Variants in RELN observed in about 807,000 individuals in gnomAD.
RELN encodes the protein reelin.
In RELN, 108 loss-of-function variants were observed where a neutral mutation model predicts 427.6. That is an observed-to-expected ratio of 0.25 (90% CI 0.22 to 0.30). RELN has a LOEUF of 0.30. Ranked by LOEUF, RELN falls within the 10% of genes least tolerant of loss-of-function variation. The pLI, the probability that RELN is intolerant of heterozygous loss-of-function variation, is 1.00. For synonymous variants in RELN, 1,524 were observed against 1,513.4 expected, an observed-to-expected ratio of 1.01 and a Z score of -0.16; for missense variants, 3,715 against 4,302.8, an observed-to-expected ratio of 0.86 and a Z score of 3.82.
At chr7:103,901,981 C>T (rs1422348744) in intron 2 of RELN, among the ~76,000 whole-genome samples, 1 of 151,946 alleles carries the variant, frequency 6.6e-6, no homozygotes, top group African/African-American at 2.4e-5. Flanking sequence ...GTACTATTTT[C>T]CATGTGAGAC....
At chr7:103,585,595 A>C (rs549628247) in intron 28 of RELN, among the ~76,000 whole-genome samples, 124 of 152,282 alleles carry the variant, frequency 8.1e-4, no homozygotes, top group South Asian at 3.7e-3. Flanking sequence ...CAAAAACCCC[A>C]GTACAAGATG....
chr7:103,485,403 G>A (rs1828401040), intron 61 of RELN, among the ~76,000 whole-genome samples: 1 of 152,106 alleles, frequency 6.6e-6, no homozygotes, highest in African/African-American at 2.4e-5. Flanking sequence ...AAGGTTTCAT[G>A]TAAACTATCT....
At chr7:103,787,381 C>A (rs1792043800) in intron 3 of RELN, among the ~76,000 whole-genome samples, 1 of 151,244 alleles carries the variant, frequency 6.6e-6, no homozygotes, top group Non-Finnish European at 1.5e-5. Flanking sequence ...AAAAAAAAAT[C>A]AATGAATCCA....
At chr7:103,777,556 C>G (rs551052249) in intron 3 of RELN, among the ~76,000 whole-genome samples, 2 of 152,310 alleles carry the variant, frequency 1.3e-5, no homozygotes, top group African/African-American at 4.8e-5. Flanking sequence ...AGGCACTGTA[C>G]TAGCTCACGA....
chr7:103,473,484 C>T (rs549153382), intron 64 of RELN, among the ~76,000 whole-genome samples: 47 of 152,252 alleles, frequency 3.1e-4, no homozygotes, highest in African/African-American at 1.1e-3. Context: ...TTCCTCAAAC[C>T]ATAAGCATCT....
chr7:103,570,545 C>A (rs1433717284), intron 31 of RELN, among the ~76,000 whole-genome samples: 2 of 152,234 alleles, frequency 1.3e-5, no homozygotes, highest in Non-Finnish European at 1.5e-5. Flanking sequence ...TGATTGCTTA[C>A]TATCTGAGTC....
intron 41 of RELN, among the ~76,000 whole-genome samples, chr7:103,547,077 T>C (rs1033111593): frequency 4.6e-5 from 7 of 152,342 alleles, no homozygotes; most frequent in African/African-American, 9.6e-5. Flanking sequence ...TATTTTAGAA[T>C]GGCAGGATGC....
At chr7:103,538,403 G>C (rs1028381887) in intron 45 of RELN, among the ~76,000 whole-genome samples, 1 of 152,158 alleles carries the variant, frequency 6.6e-6, no homozygotes, top group Admixed American at 6.5e-5. Context: ...GAGTCCAAGT[G>C]TGCAATGATG....
intron 2 of RELN, among the ~76,000 whole-genome samples, chr7:103,890,060 C>A (rs1424028773): frequency 6.6e-6 from 1 of 152,118 alleles, no homozygotes; most frequent in East Asian, 1.9e-4. Context: ...CACTCCAGCC[C>A]TTCCATGGCA....
At chr7:103,741,729 G>C (rs1369330059) in intron 6 of RELN, among the ~76,000 whole-genome samples, 1 of 151,926 alleles carries the variant, frequency 6.6e-6, no homozygotes, top group Non-Finnish European at 1.5e-5. Context: ...CGAAAGTGAT[G>C]GGTATTGAGC....
At chr7:103,863,881 G>T (rs1189808185) in intron 2 of RELN, among the ~76,000 whole-genome samples, 2 of 150,988 alleles carry the variant, frequency 1.3e-5, no homozygotes, top group East Asian at 3.9e-4. Flanking sequence ...TCACTGTTTT[G>T]TTGGCTGAGC....
chr7:103,708,829 G>A (rs1217396652), intron 8 of RELN, among the ~76,000 whole-genome samples: 1 of 152,036 alleles, frequency 6.6e-6, no homozygotes, highest in Non-Finnish European at 1.5e-5. Flanking sequence ...GCCCCTCAGA[G>A]GCCTTACCCT....
intron 1 of RELN, among the ~76,000 whole-genome samples, chr7:103,943,904 T>C (rs1229242204): frequency 7.4e-6 from 1 of 134,388 alleles, no homozygotes; most frequent in Non-Finnish European, 1.6e-5. Flanking sequence ...ACAACATCCA[T>C]AGATAACTGT....
chr7:103,970,850 ACT>A (rs1228510623), intron 1 of RELN, among the ~76,000 whole-genome samples: 3 of 152,114 alleles, frequency 2.0e-5, no homozygotes, highest in Non-Finnish European at 4.4e-5. Context: ...ATGTGAATCA[ACT>A]CTTTTTTTAA....
intron 20 of RELN, among the ~76,000 whole-genome samples, chr7:103,624,448 C>T (rs1006442461): frequency 1.3e-5 from 2 of 151,860 alleles, no homozygotes; most frequent in African/African-American, 2.4e-5. Flanking sequence ...TTTTTTAAGT[C>T]GGAGTTTTAC....
chr7:103,788,523 C>A (rs568363597), intron 3 of RELN, among the ~76,000 whole-genome samples: 1 of 152,184 alleles, frequency 6.6e-6, no homozygotes, highest in African/African-American at 2.4e-5. Context: ...GCAGAAATCA[C>A]AAGCATTCCT....
At chr7:103,772,407 A>G (rs1584480053) in intron 4 of RELN, among the ~76,000 whole-genome samples, 1 of 152,142 alleles carries the variant, frequency 6.6e-6, no homozygotes, top group Non-Finnish European at 1.5e-5. Context: ...GTAGATAATA[A>G]TGGTTTCTTT....
intron 28 of RELN, among the ~76,000 whole-genome samples, chr7:103,583,557 T>A (rs1224639186): frequency 6.6e-6 from 1 of 152,162 alleles, no homozygotes; most frequent in East Asian, 1.9e-4. Flanking sequence ...TTTAGAAGAT[T>A]CCAGTTCAAG....
chr7:103,912,081 A>G (rs751808590), intron 2 of RELN, among the ~76,000 whole-genome samples: 10 of 152,194 alleles, frequency 6.6e-5, no homozygotes, highest in Non-Finnish European at 1.3e-4. Context: ...CTTAATCTCT[A>G]TTAAAAATAT....
Sources: gnomAD v4.1 joint callset for allele counts (sites outside exome capture counted in the v4.1 genomes callset) on GRCh38, gnomAD v4.1.1 for gene constraint, MANE v1.5 for transcripts, NCBI Gene and HGNC (gene_info 2026-07-23, HGNC 2026-07-21) for gene names.